PRPF40B: variants seen among roughly 807,000 people sequenced by gnomAD.
PRPF40B encodes the protein pre-mRNA-processing factor 40 homolog B.
PRPF40B carries 56 observed loss-of-function variants against 124.5 expected under a neutral mutation model. The ratio of observed to expected loss-of-function variants is 0.45; its 90% CI spans 0.36 to 0.56. PRPF40B has a LOEUF of 0.56. Ranked by LOEUF, PRPF40B falls within the 20% of genes least tolerant of loss-of-function variation. The pLI, the probability that PRPF40B is intolerant of heterozygous loss-of-function variation, is 0.00. For synonymous variants in PRPF40B, 443 were observed against 426.4 expected (o/e 1.04, Z -0.48); for missense variants, 1,053 against 1,169.5 (o/e 0.90, Z 1.45).
At chr12:49,632,958 G>A (rs1941371513) in intron 6 of PRPF40B, 56 bp from the exon 7 acceptor site, 4 of 1,610,644 alleles carry the variant, frequency 2.5e-6, no homozygotes, top group East Asian at 2.2e-5. Context: ...TTGGGGTGAG[G>A]AGAGGCTTTG....
chr12:49,634,742 A>G (rs1458763552), intron 12 of PRPF40B, 140 bp downstream of exon 12: 2 of 1,036,276 alleles, frequency 1.9e-6, no homozygotes, highest in South Asian at 3.2e-5. Flanking sequence ...TGCAAGGGGA[A>G]GAAAAGCTGG....
chr12:49,634,359 G>C lies in PRPF40B; in HGVS notation c.840G>C (p.Glu280Asp), dbSNP rs1941534236. The C allele has an allele frequency of 1.2e-6, 2 of 1,614,136 alleles. No individual in the cohort carries two copies. The highest frequency in any genetic ancestry group is 4.5e-5 in the East Asian group (2 of 44,902). ...CTGGACAGCATCAGCCACAGCAGGA[G>C]GAGGAGGAATCAAAGCCAGAACCAG... is the stretch of plus-strand genomic sequence containing the variant. The part of the protein sequence containing the change: ...SSSGQHQPQQ[E>D]EEESKPEPER... Residue 280 changes from glutamate to aspartate, a missense_variant, in exon 11 of 26, where the codon GAG becomes GAC. Around this residue, in one of 2 missense-constraint regions of PRPF40B, gnomAD observed 895 missense variants for 1,052.2 expected, o/e 0.85. Transcript: ENST00000548825.
intron 18 of PRPF40B, chr12:49,641,583 T>A (rs1211097010): frequency 3.0e-6 from 1 of 333,574 alleles, no homozygotes; most frequent in Non-Finnish European, 5.6e-6. Context: ...GAAGCACTGC[T>A]GAGCAGCAGG....
In PRPF40B at chr12:49,641,585, A is replaced by G. The variant is rs953961890; in HGVS notation, c.1768-323A>G. On this transcript the variant is annotated intron_variant, in intron 18 of 25. Coordinates refer to ENST00000548825, the MANE Select transcript of PRPF40B (RefSeq NM_001031698.3). ...TTGAGAATGCATGGAAGCACTGCTG[A>G]GCAGCAGGAGGGCCCAGCTGGGGCC... is the stretch of plus-strand genomic sequence containing the variant. The G allele has an allele frequency of 1.8e-5, 6 of 335,652 alleles. No homozygotes were observed. The Admixed American group carries it at 2.2e-4, about 12-fold the overall frequency. 20.8% of individuals were successfully genotyped at this position (335,652 alleles called of 1,614,324 possible). A position where few individuals can be genotyped will look rare whatever the true frequency, so the allele number is the denominator to read the frequency against.
chr12:49,630,351 C>G lies in PRPF40B; in HGVS notation c.4-194C>G, dbSNP rs1358038903. Among the ~76,000 whole-genome samples, 3 of 152,168 alleles carry G rather than the reference C, an allele frequency of 2.0e-5. No homozygotes were observed. In the South Asian group the frequency reaches 6.2e-4, roughly 32 times the overall value. On this transcript the variant is annotated intron_variant, in intron 1 of 25. Transcript: ENST00000548825. ...GCTCAGCCAGCTGGCTCTGAGCTGG[C>G]ACAAGAGAGAGCAAAAGCACAAGAG...
At position 49,644,310 on chromosome 12, in the gene PRPF40B, C is replaced by A. The variant is rs575702827; in HGVS notation, c.*118C>A. 20 of 1,150,612 alleles carry A rather than the reference C, an allele frequency of 1.7e-5. No individual in the cohort carries two copies. The African/African-American group carries it at 2.9e-4, about 17-fold the overall frequency. 71.3% of individuals were successfully genotyped at this position (1,150,612 alleles called of 1,614,324 possible). A position where few individuals can be genotyped will look rare whatever the true frequency, so the allele number is the denominator to read the frequency against. On this transcript the variant is annotated 3_prime_UTR_variant, in exon 26 of 26. Coordinates refer to ENST00000548825, the MANE Select transcript of PRPF40B (RefSeq NM_001031698.3). ...CTGTGTCCACTTTTTCTAAAGTAAC[C>A]CCACCCCCAGCACACCATTGTTGGC...
chr12:49,641,879 C>T (rs1229116803), intron 18 of PRPF40B, 29 bp from the exon 19 acceptor site: 12 of 1,599,198 alleles, frequency 7.5e-6, no homozygotes, highest in Non-Finnish European at 1.0e-5. Flanking sequence ...CACGTGGTGC[C>T]CCTGCTTCAT....
At chr12:49,630,927 T>C (rs538215714) in intron 2 of PRPF40B, among the ~76,000 whole-genome samples, 1 of 152,278 alleles carries the variant, frequency 6.6e-6, no homozygotes, top group South Asian at 2.1e-4. Context: ...ATCTATCTCT[T>C]TCACTACTCC....
In PRPF40B at chr12:49,631,422, C is replaced by A. The variant is rs1477753863; in HGVS notation, c.106C>A (p.Pro36Thr). The A allele has an allele frequency of 6.8e-7, 1 of 1,465,160 alleles. No individual in the cohort carries two copies. The allele number at this position is 1,465,160 out of a possible 1,614,324, so 90.8% of individuals were successfully genotyped here. The change falls in exon 3 of 26, where the codon CCA becomes ACA. Residue 36 changes from proline to threonine, a missense_variant. Coordinates refer to ENST00000548825, the MANE Select transcript of PRPF40B (RefSeq NM_001031698.3). The surrounding 1 kb of genome is among the most constrained non-coding windows in gnomAD (Gnocchi z 4.3). ...CCAGATGCCCCCTCCAGGGATCCCCCCACCCTTTCCTCCGATGGGGCTACC... is the reference window on the plus strand; with the variant it reads ...CCAGATGCCCCCTCCAGGGATCCCCACACCCTTTCCTCCGATGGGGCTACC... ...PPFMPPPGIP[P>T]PFPPMGLPPM...
chr12:49,644,120 A>G lies in PRPF40B; in HGVS notation c.2607A>G (p.Glu869=), dbSNP rs759268578. The part of the protein sequence containing the change: ...KKEKTGWDTS[E]SELSEGELER... Reference sequence around the variant, plus strand: ...AACAGACAGGCTGGGACACGTCAGAAAGTGAGCTGAGTGAGGGTGAGCTGG... The same window carrying G: ...AACAGACAGGCTGGGACACGTCAGAGAGTGAGCTGAGTGAGGGTGAGCTGG... Residue 869 remains glutamate (E), a synonymous_variant, in exon 26 of 26, where the codon GAA becomes GAG. Coordinates refer to ENST00000548825, the MANE Select transcript of PRPF40B (RefSeq NM_001031698.3). The G allele has an allele frequency of 2.5e-6, 4 of 1,614,166 alleles. No homozygotes were observed. The highest frequency in any genetic ancestry group is 3.3e-4 in the Middle Eastern group (2 of 6,062).
In PRPF40B at chr12:49,633,407, C is replaced by T. The variant is rs563323303; in HGVS notation, c.460-20C>T. On this transcript the variant is annotated intron_variant, in intron 7 of 25. Coordinates refer to ENST00000548825, the MANE Select transcript of PRPF40B (RefSeq NM_001031698.3). ...GAACTTGCCCATCCCACTGATGGCT[C>T]CTATCCCATCCACTTGCAGCTGCTC... is the stretch of plus-strand genomic sequence containing the variant. 1 of 1,613,898 alleles carries T rather than the reference C, an allele frequency of 6.2e-7. No homozygotes were observed. The highest frequency in any genetic ancestry group is 8.5e-7 in the Non-Finnish European group (1 of 1,179,986).
Position 49,643,222 on chromosome 12 carries a change from G to A in PRPF40B, c.2206-1G>A, listed in dbSNP as rs1311855369. 1.2e-6 allele frequency: 2 copies of A among 1,613,944 alleles called. No homozygotes were observed. The highest frequency in any genetic ancestry group is 1.7e-6 in the Non-Finnish European group (2 of 1,180,018). Reference sequence around the variant, plus strand: ...TGACATGTATCTGCTGATCTGCCCAGGGCTCTGAGTCAGAAGAAGAGGAGC... The same window carrying A: ...TGACATGTATCTGCTGATCTGCCCAAGGCTCTGAGTCAGAAGAAGAGGAGC... On this transcript the variant is annotated splice_acceptor_variant, in intron 22 of 25. Coordinates refer to ENST00000548825, the MANE Select transcript of PRPF40B (RefSeq NM_001031698.3). LOFTEE classifies it high-confidence loss of function.
rs750640824 is a variant in PRPF40B, at chr12:49,643,291, C to T, written c.2274C>T (p.Asn758=). The change falls in exon 23 of 26, where the codon AAC becomes AAT. Residue 758 remains asparagine, a synonymous_variant. Transcript: ENST00000548825. ...GGCCCCCCAAGCGGAGGAGGCGGAACCCCTCAGAGTCAGGCTCTGAGCCCT... is the reference window on the plus strand; with the variant it reads ...GGCCCCCCAAGCGGAGGAGGCGGAATCCCTCAGAGTCAGGCTCTGAGCCCT... ...SLRPPKRRRR[N]PSESGSEPSS... 3 of 1,613,490 alleles carry T rather than the reference C, an allele frequency of 1.9e-6. No homozygotes were observed. The highest frequency in any genetic ancestry group is 1.3e-5 in the African/African-American group (1 of 74,884).
chr12:49,636,954 G>A lies in PRPF40B; in HGVS notation c.1560+105G>A, dbSNP rs890112431. On this transcript the variant is annotated intron_variant, in intron 16 of 25. Transcript: ENST00000548825. The stretch of plus-strand genomic sequence containing the variant: ...TGGATACGCTGCCTGTTCTTTCTGT[G>A]CCTAGCCCTGTCCAAGCTCTATGAG... The A allele has an allele frequency of 2.6e-6, 4 of 1,535,492 alleles. No homozygotes were observed. In the African/African-American group the frequency reaches 5.4e-5, roughly 21 times the overall value.
chr12:49,625,863 G>A (rs925182920), intron 1 of PRPF40B, among the ~76,000 whole-genome samples: 7 of 152,148 alleles, frequency 4.6e-5, no homozygotes, highest in African/African-American at 1.4e-4. Context: ...GGAGAGGGAC[G>A]GGGTGTTTCA....
rs1942828044 is a variant in PRPF40B at position 49,642,636 on chromosome 12, G to T, written c.2079G>T (p.Glu693Asp). ...SAFEQITLES[E>D]RIRLFREFLQ... ...TTGAGCAGATCACCCTGGAGTCGGA[G>T]CGGATCCGGCTCTTCCGGGAGTTCC... The change falls in exon 21 of 26, where the codon GAG (glutamate) becomes GAT (aspartate). Residue 693 changes from glutamate to aspartate, a missense_variant. Glu to Asp is a conservative substitution (Grantham distance 45). This residue lies in a region of PRPF40B where 895 missense variants were observed against 1,052.2 expected (regional missense o/e 0.85). Coordinates refer to ENST00000548825, the MANE Select transcript of PRPF40B (RefSeq NM_001031698.3). This position sits in a 1 kb window ranked among gnomAD's most constrained non-coding sequence, Gnocchi z 5.8. 2 of 1,614,106 alleles carry T rather than the reference G, an allele frequency of 1.2e-6. No individual in the cohort carries two copies. The highest frequency in any genetic ancestry group is 2.7e-5 in the African/African-American group (2 of 74,952).
At chr12:49,637,677 C>A in intron 17 of PRPF40B, 56 bp from the exon 18 acceptor site, 1 of 1,508,874 alleles carries the variant, frequency 6.6e-7, no homozygotes, top group Non-Finnish European at 9.1e-7. Flanking sequence ...CTCGGCCCAG[C>A]CCCCAGGCCT....
rs956845116 is a variant in PRPF40B, at chr12:49,642,785, T to A, written c.2118+110T>A. 1.4e-6 allele frequency: 2 copies of A among 1,437,846 alleles called. No homozygotes were observed. Among genetic ancestry groups the A allele is most frequent in the Non-Finnish European group, 1.9e-6 (2 of 1,045,184 alleles). 89.1% of individuals were successfully genotyped at this position (1,437,846 alleles called of 1,614,324 possible). Reference sequence around the variant, plus strand: ...TACCCTTAGGGCACTCCTGGCCAGCTAAGGAAGGGGAGGCCTGAGGATCCC... The same window carrying A: ...TACCCTTAGGGCACTCCTGGCCAGCAAAGGAAGGGGAGGCCTGAGGATCCC... On this transcript the variant is annotated intron_variant, in intron 21 of 25. Transcript: ENST00000548825. This position sits in a 1 kb window ranked among gnomAD's most constrained non-coding sequence, Gnocchi z 5.8.
At chr12:49,633,199 C>CTAACCATATTCATGATGG in intron 7 of PRPF40B, 75 bp downstream of exon 7, 1 of 1,363,866 alleles carries the variant, frequency 7.3e-7, no homozygotes, top group South Asian at 1.3e-5. Flanking sequence ...CCCTTAGTCT[C>CTAACCATATTCATGATGG]TAACCATATT....
Sources: gnomAD v4.1 joint callset for allele counts (sites outside exome capture counted in the v4.1 genomes callset) on GRCh38, gnomAD v4.1.1 for gene constraint, gnomAD v4.1.1 regional missense constraint, Gnocchi (gnomAD v3.1) non-coding constraint, MANE v1.5 for transcripts, NCBI Gene and HGNC (gene_info 2026-07-23, HGNC 2026-07-21) for gene names.